FRAS1: variants seen among roughly 807,000 people sequenced by gnomAD.
The protein encoded by FRAS1 is Fraser extracellular matrix complex subunit 1.
Under a neutral mutation model 435.2 loss-of-function variants are expected in FRAS1, and 290 were observed. The ratio of observed to expected loss-of-function variants is 0.67; its 90% CI spans 0.61 to 0.73. FRAS1 has a LOEUF of 0.73. Among genes scored for constraint, FRAS1 ranks in the 30% least tolerant of loss-of-function variants. FRAS1 has a pLI of 0.00. For missense variants in FRAS1, 4,860 were observed against 5,001.5 expected (o/e 0.97, Z 0.85); for synonymous variants, 1,800 against 1,851.0 (o/e 0.97, Z 0.71).
intron 2 of FRAS1, among the ~76,000 whole-genome samples, chr4:78,157,476 C>T (rs1720945436): frequency 6.6e-6 from 1 of 152,146 alleles, no homozygotes; most frequent in Non-Finnish European, 1.5e-5. Context: ...GCATTCTCAC[C>T]AACATCTATT....
chr4:78,400,382 G>A (rs1170122781), intron 29 of FRAS1, among the ~76,000 whole-genome samples: 1 of 152,110 alleles, frequency 6.6e-6, no homozygotes, highest in Non-Finnish European at 1.5e-5. Flanking sequence ...CAATGGAGCT[G>A]GCATATAATA....
intron 2 of FRAS1, among the ~76,000 whole-genome samples, chr4:78,134,224 C>G (rs1235346884): frequency 6.6e-6 from 1 of 152,130 alleles, no homozygotes; most frequent in Non-Finnish European, 1.5e-5. Flanking sequence ...TCTGCTTCCT[C>G]CCACTGTTTT....
At chr4:78,126,073 G>A (rs1481150380) in intron 2 of FRAS1, among the ~76,000 whole-genome samples, 1 of 152,186 alleles carries the variant, frequency 6.6e-6, no homozygotes, top group Non-Finnish European at 1.5e-5. Context: ...TTTACACTGT[G>A]AGCATAGAAC....
At chr4:78,527,535 A>G (rs1451267871) in intron 70 of FRAS1, among the ~76,000 whole-genome samples, 1 of 152,190 alleles carries the variant, frequency 6.6e-6, no homozygotes, top group Non-Finnish European at 1.5e-5. Context: ...AGAATCTGAC[A>G]TTAACATTAA....
At chr4:78,124,103 T>C (rs1415105317) in intron 2 of FRAS1, among the ~76,000 whole-genome samples, 2 of 152,210 alleles carry the variant, frequency 1.3e-5, no homozygotes, top group African/African-American at 2.4e-5. Flanking sequence ...TGATATTGGC[T>C]GTAGGTTTGT....
At chr4:78,118,152 G>A (rs1267872042) in intron 2 of FRAS1, among the ~76,000 whole-genome samples, 2 of 152,196 alleles carry the variant, frequency 1.3e-5, no homozygotes. Context: ...GCAGATATTG[G>A]TGAACAGCAA....
At chr4:78,518,383 GATAAA>G (rs1721274687) in intron 66 of FRAS1, among the ~76,000 whole-genome samples, 2 of 145,020 alleles carry the variant, frequency 1.4e-5, no homozygotes, top group East Asian at 2.0e-4. Context: ...ATTAGCCAAT[GATAAA>G]ATAAAATTGT....
chr4:78,247,737 A>T (rs1441237961), intron 4 of FRAS1, among the ~76,000 whole-genome samples: 2 of 152,090 alleles, frequency 1.3e-5, no homozygotes, highest in East Asian at 3.9e-4. Flanking sequence ...CCTCCTGCTG[A>T]ATAGCAGTGA....
At chr4:78,324,216 A>G (rs528254493) in intron 18 of FRAS1, among the ~76,000 whole-genome samples, 40 of 152,360 alleles carry the variant, frequency 2.6e-4, no homozygotes, top group African/African-American at 9.4e-4. Flanking sequence ...AATACCTATT[A>G]CTAAATTTGA....
intron 2 of FRAS1, among the ~76,000 whole-genome samples, chr4:78,157,334 T>C (rs972251943): frequency 1.3e-5 from 2 of 152,168 alleles, no homozygotes; most frequent in Non-Finnish European, 2.9e-5. Context: ...CCTTCGGGGG[T>C]ATATGCAGTA....
rs774882259 is a variant in FRAS1 at position 78,432,519 on chromosome 4, C to T, written c.5132C>T (p.Pro1711Leu). 2.5e-5 allele frequency: 40 copies of T among 1,612,866 alleles called. No homozygotes were observed. Among genetic ancestry groups the T allele is most frequent in the Non-Finnish European group, 3.3e-5 (39 of 1,179,498 alleles). Residue 1711 changes from proline to leucine, a missense_variant, in exon 38 of 74, where the codon CCT (proline) becomes CTT (leucine). Pro to Leu is a moderately conservative substitution (Grantham distance 98, BLOSUM62 -3). Coordinates refer to ENST00000512123, the MANE Select transcript of FRAS1 (RefSeq NM_025074.7). Reference protein sequence around the residue: ...VEVSLSEDRGPRLAAGSSLSI... With the variant: ...VEVSLSEDRGLRLAAGSSLSI... Reference sequence around the variant, plus strand: ...GTGTCCCTGTCAGAAGACCGAGGGCCTCGACTGGCTGCTGGCTCCTCTCTG... The same window carrying T: ...GTGTCCCTGTCAGAAGACCGAGGGCTTCGACTGGCTGCTGGCTCCTCTCTG...
At chr4:78,368,497 CA>C (rs113950764) in intron 22 of FRAS1, among the ~76,000 whole-genome samples, 25,053 of 151,504 alleles carry the variant, frequency 0.17, 2,662 homozygotes, top group East Asian at 0.33. Flanking sequence ...ATACCTTATG[CA>C]ATATCTGGCT....
At chr4:78,276,768 C>A (rs1727063036) in intron 9 of FRAS1, among the ~76,000 whole-genome samples, 1 of 152,204 alleles carries the variant, frequency 6.6e-6, no homozygotes, top group South Asian at 2.1e-4. Context: ...GGTCAGGGAC[C>A]CACTTGAGGA....
intron 2 of FRAS1, among the ~76,000 whole-genome samples, chr4:78,114,199 G>T (rs57386926): frequency 6.6e-6 from 1 of 151,994 alleles, no homozygotes; most frequent in Non-Finnish European, 1.5e-5. Flanking sequence ...TATCTGTTTG[G>T]GTACCAGTAG....
At chr4:78,217,159 A>G (rs1210650381) in intron 2 of FRAS1, among the ~76,000 whole-genome samples, 1 of 152,134 alleles carries the variant, frequency 6.6e-6, no homozygotes, top group Non-Finnish European at 1.5e-5. Context: ...GCTGAAGGAG[A>G]GAGAGAGAGA....
chr4:78,521,711 G>A, intron 68 of FRAS1, 81 bp downstream of exon 68: 1 of 815,938 alleles, frequency 1.2e-6, no homozygotes, highest in Non-Finnish European at 2.0e-6. Context: ...GAATAGAACA[G>A]TAAAAAACAG....
intron 32 of FRAS1, among the ~76,000 whole-genome samples, chr4:78,413,677 T>C (rs1293637374): frequency 6.6e-6 from 1 of 152,096 alleles, no homozygotes; most frequent in Non-Finnish European, 1.5e-5. Context: ...TGTTGCTAAA[T>C]TGCAAACAGT....
chr4:78,383,376 A>G (rs890512344), intron 27 of FRAS1, among the ~76,000 whole-genome samples: 3 of 152,156 alleles, frequency 2.0e-5, no homozygotes, highest in Admixed American at 6.5e-5. Context: ...CTCTTTGCTT[A>G]TATTTGCTTA....
chr4:78,081,880 C>T (rs185078824), intron 2 of FRAS1, among the ~76,000 whole-genome samples: 4 of 152,068 alleles, frequency 2.6e-5, no homozygotes, highest in Non-Finnish European at 4.4e-5. Context: ...TCCTTCCTTA[C>T]GCCATATCCT....
Sources: allele counts gnomAD v4.1 joint callset (sites outside exome capture counted in the v4.1 genomes callset), GRCh38; gene constraint gnomAD v4.1.1; transcripts MANE v1.5; gene names NCBI Gene and HGNC (gene_info 2026-07-23, HGNC 2026-07-21).